Variants in DCAF17 observed in about 807,000 individuals in gnomAD.
DCAF17 encodes DDB1- and CUL4-associated factor 17.
A neutral mutation model predicts 66.0 loss-of-function variants in DCAF17; 48 were observed. That is an observed-to-expected ratio of 0.73 (90% CI 0.58 to 0.92). DCAF17 has a LOEUF of 0.92. Among genes scored for constraint, DCAF17 ranks in the 40% least tolerant of loss-of-function variants. The pLI, the probability that DCAF17 is intolerant of heterozygous loss-of-function variation, is 0.00. For synonymous variants in DCAF17, 206 were observed against 214.6 expected, an observed-to-expected ratio of 0.96 and a Z score of 0.35; for missense variants, 562 against 622.8, an observed-to-expected ratio of 0.90 and a Z score of 1.04.
intron 6 of DCAF17, among the ~76,000 whole-genome samples, chr2:171,454,786 A>G (rs1246717180): frequency 6.6e-6 from 1 of 151,560 alleles, no homozygotes; most frequent in Non-Finnish European, 1.5e-5. Context: ...AGTCCCAGCT[A>G]CTCGGGAGGC....
At chr2:171,434,787 C>A in intron 1 of DCAF17, 84 bp downstream of exon 1, 1 of 1,387,706 alleles carries the variant, frequency 7.2e-7, no homozygotes, top group Non-Finnish European at 9.3e-7. Flanking sequence ...TTTTAACGCG[C>A]TGGGGCCTCC....
At chr2:171,443,167 T>C (rs2105736185) in intron 2 of DCAF17, 1 of 160,318 alleles carries the variant, frequency 6.2e-6, no homozygotes, top group Admixed American at 6.3e-5. Context: ...TTGATCTTGA[T>C]GGAATTCAAC....
chr2:171,473,046 G>T, intron 9 of DCAF17: 1 of 175,388 alleles, frequency 5.7e-6, no homozygotes. Flanking sequence ...ATCTCTTCTT[G>T]CCTTAAAAGC....
Position 171,481,176 on chromosome 2 carries a change from A to G in DCAF17, c.*62A>G. The stretch of plus-strand genomic sequence containing the variant: ...CCAAACACCCCAGCAGCTGCGTCCA[A>G]TCCATTTTATTATCTGCATGGCACA... On this transcript the variant is annotated 3_prime_UTR_variant, in exon 14 of 14. Transcript: ENST00000375255. 2 of 1,600,378 alleles carry G rather than the reference A, an allele frequency of 1.2e-6. No individual in the cohort carries two copies. The highest frequency in any genetic ancestry group is 1.3e-5 in the African/African-American group (1 of 74,712).
intron 5 of DCAF17, among the ~76,000 whole-genome samples, chr2:171,450,395 T>A (rs1694879360): frequency 6.6e-6 from 1 of 152,002 alleles, no homozygotes; most frequent in Non-Finnish European, 1.5e-5. Context: ...AAAATAATAA[T>A]AAAAATATTT....
intron 5 of DCAF17, among the ~76,000 whole-genome samples, chr2:171,452,136 CTTTT>C (rs981801806): frequency 1.6e-4 from 25 of 152,210 alleles, no homozygotes; most frequent in African/African-American, 6.0e-4. Flanking sequence ...GCATTACAAT[CTTTT>C]TTGTTTGCTG....
At chr2:171,473,688 G>T (rs746074897) in intron 9 of DCAF17, among the ~76,000 whole-genome samples, 178 bp from the exon 10 acceptor site, 2 of 152,128 alleles carry the variant, frequency 1.3e-5, no homozygotes, top group Non-Finnish European at 2.9e-5. Flanking sequence ...GAATTTAAAT[G>T]TTCAGAATTT....
chr2:171,462,756 T>G (rs1695659036), intron 8 of DCAF17, among the ~76,000 whole-genome samples: 2 of 152,206 alleles, frequency 1.3e-5, no homozygotes, highest in Admixed American at 1.3e-4. Context: ...AATGTACAAT[T>G]AAAACATTGT....
chr2:171,467,098 G>A (rs1050169493), intron 8 of DCAF17, among the ~76,000 whole-genome samples: 1 of 151,814 alleles, frequency 6.6e-6, no homozygotes, highest in African/African-American at 2.4e-5. Context: ...TTTTCCTCAA[G>A]ATTTTTTGTG....
At position 171,434,482 on chromosome 2, in the gene DCAF17, G is replaced by C; in HGVS notation, c.-96G>C. On this transcript the variant is annotated 5_prime_UTR_variant, in exon 1 of 14. Coordinates refer to ENST00000375255, the MANE Select transcript of DCAF17 (RefSeq NM_025000.4). The stretch of plus-strand genomic sequence containing the variant: ...CCTGGGCCCCGCCGGGAAAGTCTGG[G>C]CCTCGAAATTCGAAGGCAGCGGCGG... The C allele has an allele frequency of 6.6e-7, 1 of 1,517,832 alleles. No homozygotes were observed. Among genetic ancestry groups the C allele is most frequent in the Non-Finnish European group, 8.8e-7 (1 of 1,135,836 alleles). 94.0% of individuals were successfully genotyped at this position (1,517,832 alleles called of 1,614,324 possible).
chr2:171,451,813 A>G (rs993684503), intron 5 of DCAF17, among the ~76,000 whole-genome samples: 7 of 152,044 alleles, frequency 4.6e-5, no homozygotes, highest in Non-Finnish European at 1.0e-4. Flanking sequence ...TGACCTCCCA[A>G]AGTCCTGGGA....
At position 171,476,885 on chromosome 2, in the gene DCAF17, A is replaced by G; in HGVS notation, c.1117A>G (p.Asn373Asp). The G allele has an allele frequency of 6.2e-7, 1 of 1,613,722 alleles. No individual in the cohort carries two copies. Among genetic ancestry groups the G allele is most frequent in the African/African-American group, 1.3e-5 (1 of 75,034 alleles). ...VKVLKLTEIE[N>D]NSSQHQISED... ...AGTTTTGAAGCTAACTGAAATAGAA[A>G]ATAATAGTTCTCAGCATCAGATCTC... is the stretch of plus-strand genomic sequence containing the variant. The change falls in exon 11 of 14, where the codon AAT becomes GAT. Residue 373 changes from asparagine to aspartate, a missense_variant. By Grantham distance (23) the Asn-to-Asp change is conservative. Around this residue, in one of 3 missense-constraint regions of DCAF17, gnomAD observed 201 missense variants for 231.1 expected, o/e 0.87. Transcript: ENST00000375255.
intron 8 of DCAF17, among the ~76,000 whole-genome samples, chr2:171,464,361 C>T (rs1341181896): frequency 2.0e-5 from 3 of 152,094 alleles, no homozygotes; most frequent in Non-Finnish European, 2.9e-5. Flanking sequence ...CTTTCTTACC[C>T]CTTCTCGCTT....
chr2:171,477,853 T>A, intron 11 of DCAF17, 134 bp from the exon 12 acceptor site: 5 of 737,854 alleles, frequency 6.8e-6, no homozygotes, highest in Non-Finnish European at 1.2e-5. Flanking sequence ...TGATTCAGAA[T>A]TTTCTCAGTT....
chr2:171,478,650 G>A (rs1696609644), intron 12 of DCAF17, among the ~76,000 whole-genome samples: 2 of 152,098 alleles, frequency 1.3e-5, no homozygotes, highest in South Asian at 2.1e-4. Context: ...ATAAACCATT[G>A]TGTAAATTCT....
chr2:171,440,345 G>A (rs146435269), intron 2 of DCAF17, among the ~76,000 whole-genome samples: 92 of 152,180 alleles, frequency 6.0e-4, no homozygotes, highest in Admixed American at 2.6e-3. Context: ...GGAGGCCAAC[G>A]TCTGGGGTTG....
chr2:171,438,510 C>T (rs73022930), intron 2 of DCAF17, among the ~76,000 whole-genome samples: 5,665 of 152,168 alleles, frequency 0.037, 349 homozygotes, highest in African/African-American at 0.12. Flanking sequence ...CCGTGTTTGC[C>T]ACATTGTGTT....
chr2:171,479,939 TG>T (rs1233100391), intron 12 of DCAF17, 98 bp from the exon 13 acceptor site: 2 of 1,333,332 alleles, frequency 1.5e-6, no homozygotes, highest in Non-Finnish European at 2.1e-6. Context: ...CCCATATTTT[TG>T]TAAGTAATAG....
At chr2:171,448,516 A>C (rs972702215) in intron 3 of DCAF17, among the ~76,000 whole-genome samples, 165 bp from the exon 4 acceptor site, 1 of 152,184 alleles carries the variant, frequency 6.6e-6, no homozygotes, top group Non-Finnish European at 1.5e-5. Context: ...AATTACCCAC[A>C]ATCTTATCTT....
Sources: allele counts gnomAD v4.1 joint callset (sites outside exome capture counted in the v4.1 genomes callset), GRCh38; gene constraint gnomAD v4.1.1; regional missense constraint gnomAD v4.1.1; transcripts MANE v1.5; gene names NCBI Gene and HGNC (gene_info 2026-07-23, HGNC 2026-07-21).